Variants in PEX14 observed in about 807,000 individuals in gnomAD.
PEX14 encodes the protein peroxisomal biogenesis factor 14, also known as peroxisomal membrane protein PEX14.
In PEX14, 15 loss-of-function variants were observed where a neutral mutation model predicts 49.5. That is an observed-to-expected ratio of 0.30 (90% CI 0.20 to 0.47). The LOEUF is 0.47. Among genes scored for constraint, PEX14 ranks in the 20% least tolerant of loss-of-function variants. The probability of loss-of-function intolerance (pLI) is 1.00; values close to 1 mark genes in which losing one functional copy is unlikely to be tolerated. For synonymous variants in PEX14, 210 were observed against 212.7 expected (o/e 0.99, Z 0.11); for missense variants, 398 against 494.8 (o/e 0.80, Z 1.86).
chr1:10,614,427 AG>A (rs1462741513), intron 4 of PEX14, among the ~76,000 whole-genome samples: 1 of 152,154 alleles, frequency 6.6e-6, no homozygotes, highest in Non-Finnish European at 1.5e-5. Flanking sequence ...GTGAGGCTGC[AG>A]GGACCACAGG....
At chr1:10,541,319 AG>A (rs1639003814) in intron 3 of PEX14, among the ~76,000 whole-genome samples, 1 of 152,158 alleles carries the variant, frequency 6.6e-6, no homozygotes, top group South Asian at 2.1e-4. Flanking sequence ...GAGAGCTACC[AG>A]GGGAGACAAA....
At chr1:10,508,013 C>T (rs1641817130) in intron 2 of PEX14, among the ~76,000 whole-genome samples, 1 of 152,174 alleles carries the variant, frequency 6.6e-6, no homozygotes, top group Non-Finnish European at 1.5e-5. Flanking sequence ...CCCCCATGGG[C>T]ACGTGTCTTT....
At chr1:10,598,485 A>G (rs890344365) in intron 3 of PEX14, among the ~76,000 whole-genome samples, 5 of 152,132 alleles carry the variant, frequency 3.3e-5, no homozygotes, top group Admixed American at 6.6e-5. Flanking sequence ...TCCTCTCCAC[A>G]TGGCATAGCC....
In PEX14 at chr1:10,585,865, T is replaced by C. The variant is rs553428541; in HGVS notation, c.170-13373T>C. The stretch of plus-strand genomic sequence containing the variant: ...GAGTGGAGATCACGCCACTGCACTC[T>C]AGCCTGGGCGACAGAGCGAGACTCC... On this transcript the variant is annotated intron_variant, in intron 3 of 8. Transcript: ENST00000356607. 2.0e-5 allele frequency among the ~76,000 whole-genome samples: 3 copies of C among 152,224 alleles called. No individual in the cohort carries two copies. The South Asian group carries it at 6.2e-4, about 32-fold the overall frequency.
intron 3 of PEX14, among the ~76,000 whole-genome samples, chr1:10,542,807 G>A (rs958599168): frequency 1.4e-4 from 22 of 152,122 alleles, no homozygotes; most frequent in Non-Finnish European, 2.6e-4. Flanking sequence ...AAATTTGTGA[G>A]CATTTAGGTT....
chr1:10,543,709 C>T (rs1007977952), intron 3 of PEX14, among the ~76,000 whole-genome samples: 3 of 152,110 alleles, frequency 2.0e-5, no homozygotes, highest in African/African-American at 7.2e-5. Flanking sequence ...TGGGCTCAAG[C>T]GATCCTTCTG....
At chr1:10,567,520 G>A (rs375896995) in intron 3 of PEX14, among the ~76,000 whole-genome samples, 11 of 151,966 alleles carry the variant, frequency 7.2e-5, no homozygotes, top group South Asian at 4.1e-4. Flanking sequence ...TTTTTAGACA[G>A]TCTTGCTGTG....
At chr1:10,593,340 G>A (rs1640725222) in intron 3 of PEX14, among the ~76,000 whole-genome samples, 1 of 152,042 alleles carries the variant, frequency 6.6e-6, no homozygotes, top group Non-Finnish European at 1.5e-5. Flanking sequence ...TTGAAATAAT[G>A]TTTCTGCCTA....
At position 10,475,228 on chromosome 1, in the gene PEX14, G is replaced by A. The variant is rs928046726; in HGVS notation, c.36+226G>A. 5.3e-5 allele frequency among the ~76,000 whole-genome samples: 8 copies of A among 150,642 alleles called. No homozygotes were observed. The East Asian group carries it at 9.8e-4, about 19-fold the overall frequency. On this transcript the variant is annotated intron_variant, in intron 1 of 8. Coordinates refer to ENST00000356607, the MANE Select transcript of PEX14 (RefSeq NM_004565.3). ...GGAGCCCGGGCTCTGGTGTTTGGCT[G>A]TGCCCCCGGGTCCCCACTTCCCGCC... is the stretch of plus-strand genomic sequence containing the variant.
intron 2 of PEX14, among the ~76,000 whole-genome samples, chr1:10,507,930 T>C (rs1641815311): frequency 6.6e-6 from 1 of 152,354 alleles, no homozygotes; most frequent in African/African-American, 2.4e-5. Flanking sequence ...AATCTTTCTG[T>C]CAGATCTTAC....
At chr1:10,556,167 C>G (rs575398087) in intron 3 of PEX14, among the ~76,000 whole-genome samples, 4 of 152,242 alleles carry the variant, frequency 2.6e-5, no homozygotes, top group African/African-American at 9.6e-5. Context: ...GTTGGGATGA[C>G]AGGGGTTCAC....
At chr1:10,605,646 G>A (rs1641104885) in intron 4 of PEX14, among the ~76,000 whole-genome samples, 1 of 152,334 alleles carries the variant, frequency 6.6e-6, no homozygotes, top group Non-Finnish European at 1.5e-5. Flanking sequence ...GCATGCATGG[G>A]TGGCCTCGGG....
At chr1:10,475,238 G>A (rs554057714) in intron 1 of PEX14, among the ~76,000 whole-genome samples, 1 of 152,066 alleles carries the variant, frequency 6.6e-6, no homozygotes, top group Non-Finnish European at 1.5e-5. Context: ...GTGCCCCCGG[G>A]TCCCCACTTC....
At chr1:10,487,784 A>C (rs1465946662) in intron 1 of PEX14, among the ~76,000 whole-genome samples, 1 of 150,114 alleles carries the variant, frequency 6.7e-6, no homozygotes, top group South Asian at 2.1e-4. Flanking sequence ...TGCCCGGCCT[A>C]CTTTTTTTGT....
chr1:10,583,670 G>T (rs1640397192), intron 3 of PEX14, among the ~76,000 whole-genome samples: 1 of 152,048 alleles, frequency 6.6e-6, no homozygotes, highest in South Asian at 2.1e-4. Flanking sequence ...ATAAACATGA[G>T]TAAGAGCAAT....
chr1:10,572,568 G>T (rs1640007537), intron 3 of PEX14, among the ~76,000 whole-genome samples: 1 of 152,040 alleles, frequency 6.6e-6, no homozygotes. Context: ...ACGGAGTCTT[G>T]CTGTCACCCA....
intron 3 of PEX14, 69 bp downstream of exon 3, chr1:10,536,366 G>A: frequency 6.2e-6 from 6 of 975,410 alleles, no homozygotes; most frequent in East Asian, 2.4e-5. Flanking sequence ...TGGAAGCCAC[G>A]GTGCAAGGCA....
Position 10,562,110 on chromosome 1 carries a change from C to A in PEX14, c.169+25813C>A, listed in dbSNP as rs550251561. On this transcript the variant is annotated intron_variant, in intron 3 of 8. Transcript: ENST00000356607. ...CTGTGTTGCCCAGGCTGGTCTTGAA[C>A]TCCTGGTCTTTAGCAATCCCTTCAT... Among the ~76,000 whole-genome samples, 4 of 152,196 alleles carry A rather than the reference C, an allele frequency of 2.6e-5. No individual in the cohort carries two copies. In the East Asian group the frequency reaches 7.7e-4, roughly 29 times the overall value.
intron 3 of PEX14, among the ~76,000 whole-genome samples, chr1:10,588,229 A>C (rs1325135806): frequency 6.6e-6 from 1 of 152,090 alleles, no homozygotes; most frequent in African/African-American, 2.4e-5. Context: ...CAAAAAAAAA[A>C]AGACATGGAG....
Sources: allele counts gnomAD v4.1 joint callset (sites outside exome capture counted in the v4.1 genomes callset), GRCh38; gene constraint gnomAD v4.1.1; transcripts MANE v1.5; gene names NCBI Gene and HGNC (gene_info 2026-07-23, HGNC 2026-07-21).